PCDHGA4: variants seen among roughly 807,000 people sequenced by gnomAD.
PCDHGA4 encodes protocadherin gamma subfamily A, 4.
Under a neutral mutation model 54.6 loss-of-function variants are expected in PCDHGA4, and 38 were observed. That is an observed-to-expected ratio of 0.70 (90% CI 0.54 to 0.91). The LOEUF (loss-of-function observed/expected upper bound fraction) is 0.91, where lower values mean the gene tolerates loss of function less well. Among genes scored for constraint, PCDHGA4 ranks in the 40% least tolerant of loss-of-function variants. The probability of loss-of-function intolerance (pLI) is 0.00; values close to 1 mark genes in which losing one functional copy is unlikely to be tolerated. For synonymous variants in PCDHGA4, 511 were observed against 512.9 expected, an observed-to-expected ratio of 1.00 and a Z score of 0.05; for missense variants, 1,298 against 1,220.9, an observed-to-expected ratio of 1.06 and a Z score of -0.94.
rs1429603639 is a variant in PCDHGA4 at position 141,415,751 on chromosome 5, T to TTG, written c.2514+58131_2514+58132insGT. 7.1e-5 allele frequency: 95 copies of TTG among 1,328,716 alleles called. No homozygotes were observed. The African/African-American group carries it at 1.1e-3, about 15-fold the overall frequency. 82.3% of individuals were successfully genotyped at this position (1,328,716 alleles called of 1,614,324 possible). Reference sequence around the variant, plus strand: ...TGATGTTTATTAAGGTTTTTTTTTTTTTTTTTTTTTTTTTTTTTTTTACTT... The same window carrying TTG: ...TGATGTTTATTAAGGTTTTTTTTTTTTGTTTTTTTTTTTTTTTTTTTTTACTT... On this transcript the variant is annotated intron_variant, in intron 1 of 3. Coordinates refer to ENST00000571252, the MANE Select transcript of PCDHGA4 (RefSeq NM_018917.4).
rs193229261 is a variant in PCDHGA4, at chr5:141,446,714, G to A, written c.2515-48093G>A. ...GCTGGTCTCGAACTCTGATCTGCCCGCCTCGGCCTCCCAAAGTGTGGGGAT... is the reference window on the plus strand; with the variant it reads ...GCTGGTCTCGAACTCTGATCTGCCCACCTCGGCCTCCCAAAGTGTGGGGAT... On this transcript the variant is annotated intron_variant, in intron 1 of 3. Transcript: ENST00000571252. Among the ~76,000 whole-genome samples the A allele has an allele frequency of 3.3e-3, 497 of 152,154 alleles. 2 individuals are homozygous for A. Among genetic ancestry groups the A allele is most frequent in the African/African-American group, 0.011 (450 of 41,528 alleles).
At chr5:141,365,492 A>G in intron 1 of PCDHGA4, 1 of 1,613,970 alleles carries the variant, frequency 6.2e-7, no homozygotes, top group Non-Finnish European at 8.5e-7. Flanking sequence ...CTCTATTCCT[A>G]GGAATTTGCC....
At chr5:141,370,996 A>G (rs1767388382) in intron 1 of PCDHGA4, 2 of 1,613,886 alleles carry the variant, frequency 1.2e-6, no homozygotes, top group African/African-American at 2.7e-5. Flanking sequence ...GCACCCCTGG[A>G]CAGGGAAGAG....
chr5:141,400,217 T>C (rs771117256), intron 1 of PCDHGA4: 1 of 1,613,916 alleles, frequency 6.2e-7, no homozygotes, highest in Non-Finnish European at 8.5e-7. Flanking sequence ...TTGATCTCAG[T>C]GCTCTTCCTC....
chr5:141,404,468 T>G, intron 1 of PCDHGA4: 2 of 1,613,514 alleles, frequency 1.2e-6, no homozygotes, highest in Non-Finnish European at 8.5e-7. Context: ...CACCTATGTC[T>G]CTATTAACTC....
Position 141,410,674 on chromosome 5 carries a change from A to G in PCDHGA4, c.2514+53053A>G. 3.2e-6 allele frequency: 5 copies of G among 1,551,418 alleles called. No homozygotes were observed. In the South Asian group the frequency reaches 3.6e-5, roughly 11 times the overall value. On this transcript the variant is annotated intron_variant, in intron 1 of 3. Coordinates refer to ENST00000571252, the MANE Select transcript of PCDHGA4 (RefSeq NM_018917.4). ...ATCTAATAGTCTACTAGTTTCTCATATTTTAGGCATACTACTTTATTTTCA... is the reference window on the plus strand; with the variant it reads ...ATCTAATAGTCTACTAGTTTCTCATGTTTTAGGCATACTACTTTATTTTCA...
intron 1 of PCDHGA4, chr5:141,360,106 T>C: frequency 5.8e-6 from 9 of 1,552,260 alleles, no homozygotes; most frequent in Non-Finnish European, 7.8e-6. Flanking sequence ...TTATTCCTCC[T>C]ATGGGCAAAG....
chr5:141,389,456 C>T, intron 1 of PCDHGA4: 1 of 1,613,332 alleles, frequency 6.2e-7, no homozygotes, highest in South Asian at 1.1e-5. Context: ...AGCAGCTGCG[C>T]GCCTTCGAAC....
Position 141,511,285 on chromosome 5 carries a change from G to C in PCDHGA4, c.*112G>C. On this transcript the variant is annotated 3_prime_UTR_variant, in exon 4 of 4. Coordinates refer to ENST00000571252, the MANE Select transcript of PCDHGA4 (RefSeq NM_018917.4). Reference sequence around the variant, plus strand: ...GGGCTAACCCCCAGAATACTGGTAGGGGCCAAGGCCATGCTCCCCTTGGGA... The same window carrying C: ...GGGCTAACCCCCAGAATACTGGTAGCGGCCAAGGCCATGCTCCCCTTGGGA... 1 of 1,521,904 alleles carries C rather than the reference G, an allele frequency of 6.6e-7. No homozygotes were observed. The highest frequency in any genetic ancestry group is 8.8e-7 in the Non-Finnish European group (1 of 1,131,664). 94.3% of individuals were successfully genotyped at this position (1,521,904 alleles called of 1,614,324 possible).
At chr5:141,444,804 A>G (rs140326088) in intron 1 of PCDHGA4, among the ~76,000 whole-genome samples, 1 of 152,250 alleles carries the variant, frequency 6.6e-6, no homozygotes, top group Non-Finnish European at 1.5e-5. Flanking sequence ...TCTTTTACTA[A>G]TAGCACACTG....
intron 1 of PCDHGA4, chr5:141,421,546 A>C: frequency 6.2e-7 from 1 of 1,614,014 alleles, no homozygotes; most frequent in Non-Finnish European, 8.5e-7. Context: ...TTTTTTAAAT[A>C]TGGAACTTCT....
rs199952854 is a variant in PCDHGA4 at position 141,477,297 on chromosome 5, G to T, written c.2515-17510G>T. 4 of 1,614,176 alleles carry T rather than the reference G, an allele frequency of 2.5e-6. No individual in the cohort carries two copies. Among genetic ancestry groups the T allele is most frequent in the Non-Finnish European group, 3.4e-6 (4 of 1,180,040 alleles). On this transcript the variant is annotated intron_variant, in intron 1 of 3. Coordinates refer to ENST00000571252, the MANE Select transcript of PCDHGA4 (RefSeq NM_018917.4). The surrounding 1 kb of genome is among the most constrained non-coding windows in gnomAD (Gnocchi z 4.9). ...CTGGTGACCTGCGAAGTTCCACCGGGTCTCCCTTTCAGCCTTACTTCTTCC... is the reference window on the plus strand; with the variant it reads ...CTGGTGACCTGCGAAGTTCCACCGGTTCTCCCTTTCAGCCTTACTTCTTCC...
chr5:141,409,447 A>C, intron 1 of PCDHGA4: 1 of 1,614,008 alleles, frequency 6.2e-7, no homozygotes, highest in Non-Finnish European at 8.5e-7. Context: ...GAGAGCAGAC[A>C]CCAGAATACA....
rs2097401329 is a variant in PCDHGA4 at position 141,431,623 on chromosome 5, G to A, written c.2515-63184G>A. 1 of 1,614,192 alleles carries A rather than the reference G, an allele frequency of 6.2e-7. No homozygotes were observed. The highest frequency in any genetic ancestry group is 1.7e-5 in the Admixed American group (1 of 60,028). On this transcript the variant is annotated intron_variant, in intron 1 of 3. Coordinates refer to ENST00000571252, the MANE Select transcript of PCDHGA4 (RefSeq NM_018917.4). This position sits in a 1 kb window ranked among gnomAD's most constrained non-coding sequence, Gnocchi z 4.8. ...CCTTCCGGTATGTGGACGACAAGGC[G>A]GCCCAAGTTTTCAAACTAGATTGTA...
chr5:141,421,201 C>A, intron 1 of PCDHGA4: 3 of 1,518,204 alleles, frequency 2.0e-6, no homozygotes, highest in Non-Finnish European at 2.6e-6. Context: ...GCTCGAGAAA[C>A]CGCGGAATAT....
At chr5:141,427,266 G>A (rs753905641) in intron 1 of PCDHGA4, 15 of 456,620 alleles carry the variant, frequency 3.3e-5, no homozygotes, top group Non-Finnish European at 5.7e-5. Context: ...CATGACCAGC[G>A]AATGTAAAAT....
At chr5:141,365,414 C>G (rs568315403) in intron 1 of PCDHGA4, 2 of 1,613,988 alleles carry the variant, frequency 1.2e-6, no homozygotes, top group East Asian at 2.2e-5. Flanking sequence ...AGACTGTCTT[C>G]CCGGAACTGT....
intron 1 of PCDHGA4, chr5:141,405,200 C>T (rs1458944760): frequency 2.5e-6 from 4 of 1,613,508 alleles, no homozygotes; most frequent in Non-Finnish European, 3.4e-6. Flanking sequence ...TCGAGCTTTC[C>T]TACAGACCTA....
chr5:141,366,629 C>T (rs1380295495), intron 1 of PCDHGA4: 1 of 1,614,252 alleles, frequency 6.2e-7, no homozygotes, highest in South Asian at 1.1e-5. Flanking sequence ...GAGGAAGAGT[C>T]ACCTGATCTT....
Sources: allele counts gnomAD v4.1 joint callset (sites outside exome capture counted in the v4.1 genomes callset), GRCh38; gene constraint gnomAD v4.1.1; non-coding constraint Gnocchi (gnomAD v3.1); transcripts MANE v1.5; gene names NCBI Gene and HGNC (gene_info 2026-07-23, HGNC 2026-07-21).